BEND7: variants seen among roughly 807,000 people sequenced by gnomAD.
BEND7 encodes the protein BEN domain-containing protein 7.
BEND7 carries 28 observed loss-of-function variants against 50.9 expected under a neutral mutation model. The ratio of observed to expected loss-of-function variants is 0.55; its 90% CI spans 0.41 to 0.75. The LOEUF is 0.75. Among genes scored for constraint, BEND7 ranks in the 30% least tolerant of loss-of-function variants. The pLI is 0.00. For synonymous variants in BEND7, 170 were observed against 183.9 expected (o/e 0.92, Z 0.61); for missense variants, 477 against 491.3 (o/e 0.97, Z 0.28).
intron 6 of BEND7, among the ~76,000 whole-genome samples, chr10:13,471,935 G>C (rs1035434516): frequency 6.6e-6 from 1 of 152,106 alleles, no homozygotes; most frequent in African/African-American, 2.4e-5. Flanking sequence ...GTTAGACTCG[G>C]GGTCGATATC....
intron 2 of BEND7, among the ~76,000 whole-genome samples, chr10:13,501,437 G>A (rs999112097): frequency 9.3e-5 from 14 of 151,274 alleles, no homozygotes; most frequent in African/African-American, 2.9e-4. Flanking sequence ...ATCAGAGGAT[G>A]CTGATATCTG....
intron 6 of BEND7, among the ~76,000 whole-genome samples, chr10:13,472,996 G>A (rs568897403): frequency 6.6e-6 from 1 of 150,438 alleles, no homozygotes; most frequent in Admixed American, 6.6e-5. Context: ...GTTGATACTC[G>A]TCATCGCTGT....
intron 2 of BEND7, among the ~76,000 whole-genome samples, chr10:13,503,663 G>C (rs2077648274): frequency 1.3e-5 from 2 of 152,232 alleles, no homozygotes; most frequent in Non-Finnish European, 2.9e-5. Flanking sequence ...AGTGAGCCAA[G>C]GTTGTGCCAC....
intron 2 of BEND7, among the ~76,000 whole-genome samples, chr10:13,525,343 G>A (rs56229433): frequency 0.085 from 12,956 of 152,254 alleles, 620 homozygotes; most frequent in African/African-American, 0.13. Flanking sequence ...CACCAACACT[G>A]CACATGGAAA....
Position 13,474,306 on chromosome 10 carries a change from G to A in BEND7, c.1063+6593C>T, listed in dbSNP as rs543022544. ...ACCCGTCATCGCTGTTAGATGCGGGGTCGATATCCATCATCGCTGTTAAAT... is the reference window on the plus strand; with the variant it reads ...ACCCGTCATCGCTGTTAGATGCGGGATCGATATCCATCATCGCTGTTAAAT... On this transcript the variant is annotated intron_variant, in intron 6 of 8. Coordinates refer to ENST00000466271, the MANE Select transcript of BEND7 (RefSeq NM_001369863.1). Among the ~76,000 whole-genome samples, 4 of 151,296 alleles carry A rather than the reference G, an allele frequency of 2.6e-5. No individual in the cohort carries two copies. The East Asian group carries it at 7.9e-4, about 30-fold the overall frequency.
chr10:13,501,566 G>C (rs2132247727), intron 2 of BEND7, among the ~76,000 whole-genome samples: 1 of 152,112 alleles, frequency 6.6e-6, no homozygotes. Flanking sequence ...TTAGGCCACT[G>C]TTGGGCATGG....
intron 2 of BEND7, among the ~76,000 whole-genome samples, chr10:13,525,440 A>G (rs4750374): frequency 0.55 from 83,152 of 152,004 alleles, 23,592 homozygotes; most frequent in East Asian, 0.89. Flanking sequence ...AGCTCTGCTC[A>G]TCCCTGACGT....
At chr10:13,458,402 G>A (rs1465641189) in intron 6 of BEND7, among the ~76,000 whole-genome samples, 1 of 152,174 alleles carries the variant, frequency 6.6e-6, no homozygotes, top group Non-Finnish European at 1.5e-5. Context: ...TTTTAATTTG[G>A]GTTTTTCTGG....
intron 5 of BEND7, 62 bp downstream of exon 5, chr10:13,492,549 T>C: frequency 6.3e-7 from 1 of 1,581,400 alleles, no homozygotes; most frequent in Non-Finnish European, 8.6e-7. Context: ...AATCTATAAA[T>C]ACTATAAAAT....
intron 4 of BEND7, 61 bp downstream of exon 4, chr10:13,496,705 C>A: frequency 2.6e-6 from 4 of 1,554,516 alleles, no homozygotes; most frequent in Non-Finnish European, 3.5e-6. Context: ...AACATTCCAA[C>A]GGAAGATGTC....
In BEND7 at chr10:13,483,517, T is replaced by C. The variant is rs557559280; in HGVS notation, c.838-2393A>G. On this transcript the variant is annotated intron_variant, in intron 5 of 8. Coordinates refer to ENST00000466271, the MANE Select transcript of BEND7 (RefSeq NM_001369863.1). Reference sequence around the variant, plus strand: ...AGAATTCATTTAAAATGACTGGTGTTGATTCACAGATCTTTTATCCCTGTA... The same window carrying C: ...AGAATTCATTTAAAATGACTGGTGTCGATTCACAGATCTTTTATCCCTGTA... Among the ~76,000 whole-genome samples, 3 of 152,350 alleles carry C rather than the reference T, an allele frequency of 2.0e-5. No homozygotes were observed. The South Asian group carries it at 6.2e-4, about 32-fold the overall frequency.
intron 2 of BEND7, among the ~76,000 whole-genome samples, chr10:13,514,716 C>G (rs997700589): frequency 3.9e-5 from 6 of 152,206 alleles, no homozygotes; most frequent in Non-Finnish European, 8.8e-5. Flanking sequence ...TGCAGCAACT[C>G]CTCAGGCACA....
At chr10:13,490,812 GT>G (rs542895504) in intron 5 of BEND7, among the ~76,000 whole-genome samples, 7 of 150,530 alleles carry the variant, frequency 4.7e-5, no homozygotes, top group Admixed American at 2.0e-4. Flanking sequence ...TTTTGTTTTT[GT>G]TTTTTTTTGA....
chr10:13,474,711 G>A (rs753139577), intron 6 of BEND7, among the ~76,000 whole-genome samples: 14 of 152,070 alleles, frequency 9.2e-5, no homozygotes, highest in Non-Finnish European at 1.8e-4. Flanking sequence ...GTCGATACCC[G>A]TCATCAGTGT....
At chr10:13,528,332 T>A (rs986607321) in intron 1 of BEND7, 141 bp downstream of exon 1, 9 of 207,884 alleles carry the variant, frequency 4.3e-5, no homozygotes, top group Admixed American at 2.6e-4. Flanking sequence ...GCCGCGGCCC[T>A]GCCTGCCAGC....
chr10:13,490,928 C>T (rs1258707348), intron 5 of BEND7, among the ~76,000 whole-genome samples: 5 of 152,070 alleles, frequency 3.3e-5, no homozygotes, highest in Admixed American at 1.3e-4. Context: ...CTCAGCCTCC[C>T]GAGTAGTTAG....
intron 2 of BEND7, among the ~76,000 whole-genome samples, chr10:13,501,845 C>CAAAAAAAA (rs11297588): frequency 7.0e-6 from 1 of 141,884 alleles, no homozygotes. Flanking sequence ...GACCCTGTCT[C>CAAAAAAAA]AAAAAAAAAA....
chr10:13,513,889 A>C (rs2078460606), intron 2 of BEND7, among the ~76,000 whole-genome samples: 1 of 152,180 alleles, frequency 6.6e-6, no homozygotes, highest in South Asian at 2.1e-4. Flanking sequence ...CTGGCTGCAC[A>C]TGAGAACCAC....
At chr10:13,495,384 C>T (rs1479611695) in intron 4 of BEND7, among the ~76,000 whole-genome samples, 2 of 152,100 alleles carry the variant, frequency 1.3e-5, no homozygotes, top group Non-Finnish European at 2.9e-5. Context: ...CTGTTTAGCC[C>T]GGCGCGGTGG....
Sources: gnomAD v4.1 joint callset for allele counts (sites outside exome capture counted in the v4.1 genomes callset) on GRCh38, gnomAD v4.1.1 for gene constraint, MANE v1.5 for transcripts, NCBI Gene and HGNC (gene_info 2026-07-23, HGNC 2026-07-21) for gene names.